KANK1: variants seen among roughly 807,000 people sequenced by gnomAD.
KANK1 encodes the protein KN motif and ankyrin repeat domains 1.
In KANK1, 109 loss-of-function variants were observed where a neutral mutation model predicts 106.2. That is an observed-to-expected ratio of 1.03 (90% CI 0.88 to 1.20). The LOEUF is 1.20. Ranked by LOEUF, KANK1 falls within the 50% of genes most tolerant of loss-of-function variation. KANK1 has a pLI of 0.00. For missense variants in KANK1, 2,399 were observed against 1,710.7 expected (o/e 1.40, Z -7.10); for synonymous variants, 873 against 652.2 (o/e 1.34, Z -5.16).
chr9:514,206 C>T (rs1352461849), intron 1 of KANK1, among the ~76,000 whole-genome samples: 1 of 65,276 alleles, frequency 1.5e-5, no homozygotes, highest in Non-Finnish European at 2.6e-5. Context: ...CTCCCTCCCT[C>T]TCTCCCTCCC....
intron 3 of KANK1, among the ~76,000 whole-genome samples, chr9:720,976 C>T (rs1829160047): frequency 6.6e-6 from 1 of 152,104 alleles, no homozygotes; most frequent in Non-Finnish European, 1.5e-5. Flanking sequence ...TTTCAGTAGT[C>T]AGCTTTTATA....
At chr9:558,910 C>T (rs1440251586) in intron 1 of KANK1, 2 of 151,994 alleles carry the variant, frequency 1.3e-5, no homozygotes, top group Admixed American at 6.6e-5. Context: ...GACACAAATT[C>T]GTGAAGCGTT....
intron 2 of KANK1, among the ~76,000 whole-genome samples, chr9:683,815 A>C (rs1484760794): frequency 6.6e-5 from 10 of 152,298 alleles, no homozygotes; most frequent in Admixed American, 6.5e-4. Flanking sequence ...GTGTTTAATA[A>C]TTGCATTTAA....
chr9:588,079 AG>A (rs147420100), intron 1 of KANK1, among the ~76,000 whole-genome samples: 115,524 of 146,562 alleles, frequency 0.79, 45,788 homozygotes, highest in African/African-American at 0.9. Flanking sequence ...AAAAAAAAAA[AG>A]AAAGAAAGAA....
intron 9 of KANK1, among the ~76,000 whole-genome samples, chr9:741,920 A>G (rs1835687434): frequency 6.6e-6 from 1 of 152,114 alleles, no homozygotes; most frequent in Non-Finnish European, 1.5e-5. Context: ...CTCCAGGCCC[A>G]CAGCTTGACT....
intron 1 of KANK1, among the ~76,000 whole-genome samples, chr9:617,268 C>T (rs562029360): frequency 4.6e-5 from 7 of 152,092 alleles, no homozygotes; most frequent in Admixed American, 2.6e-4. Context: ...CAACTTCACT[C>T]GTTGCCTTCC....
rs10815562 is a variant in KANK1, at chr9:732,302, T to C, written c.3006-76T>C. ...GAAATTTCTGGAGTCAATTAGCAAATCCCTTCATAGAAATTTCTATCACTG... is the reference window on the plus strand; with the variant it reads ...GAAATTTCTGGAGTCAATTAGCAAACCCCTTCATAGAAATTTCTATCACTG... On this transcript the variant is annotated intron_variant, in intron 5 of 11. Transcript: ENST00000382297. 0.35 allele frequency: 529,017 copies of C among 1,511,834 alleles called. 96,970 individuals are homozygous for C. Among genetic ancestry groups the C allele is most frequent in the Non-Finnish European group, 0.38 (427,305 of 1,124,048 alleles). 93.7% of individuals were successfully genotyped at this position (1,511,834 alleles called of 1,614,324 possible).
intron 1 of KANK1, among the ~76,000 whole-genome samples, chr9:540,895 T>A (rs939686419): frequency 6.6e-6 from 1 of 152,210 alleles, no homozygotes; most frequent in African/African-American, 2.4e-5. Context: ...AATTTTGTCT[T>A]TTAGTTCAGC....
chr9:729,645 T>C (rs1831677568), intron 3 of KANK1, among the ~76,000 whole-genome samples: 1 of 152,196 alleles, frequency 6.6e-6, no homozygotes, highest in African/African-American at 2.4e-5. Context: ...GTGGACTACA[T>C]TTCCTGAGCA....
In KANK1 at chr9:734,854, C is replaced by T. The variant is rs28513939; in HGVS notation, c.3333+19C>T. 6.3e-7 allele frequency: 1 copy of T among 1,575,420 alleles called. No homozygotes were observed. Among genetic ancestry groups the T allele is most frequent in the Non-Finnish European group, 8.7e-7 (1 of 1,145,010 alleles). Reference sequence around the variant, plus strand: ...AGATATGGTGAGTCTGACCTGCAAACACCATCCCCAGTGTGTACAAAGTGC... The same window carrying T: ...AGATATGGTGAGTCTGACCTGCAAATACCATCCCCAGTGTGTACAAAGTGC... On this transcript the variant is annotated intron_variant, in intron 7 of 11. Coordinates refer to ENST00000382297, the MANE Select transcript of KANK1 (RefSeq NM_015158.5).
intron 3 of KANK1, chr9:495,689 C>G (rs997679721): frequency 1.3e-5 from 2 of 152,196 alleles, no homozygotes; most frequent in African/African-American, 4.8e-5. Flanking sequence ...CTCTTTTCCT[C>G]CCCGCAATGC....
intron 1 of KANK1, among the ~76,000 whole-genome samples, chr9:639,898 C>T (rs1057173597): frequency 6.6e-6 from 1 of 152,118 alleles, no homozygotes; most frequent in Non-Finnish European, 1.5e-5. Context: ...AACAAGCTTC[C>T]TCAAACCCTT....
intron 3 of KANK1, among the ~76,000 whole-genome samples, chr9:716,810 A>G (rs548046827): frequency 6.6e-6 from 1 of 152,338 alleles, no homozygotes; most frequent in Admixed American, 6.5e-5. Context: ...CCTTGTCTCT[A>G]CAAAAAAATT....
intron 1 of KANK1, among the ~76,000 whole-genome samples, chr9:626,182 G>A (rs561681401): frequency 2.3e-4 from 35 of 152,242 alleles, no homozygotes; most frequent in African/African-American, 7.7e-4. Flanking sequence ...AGCATTGTGC[G>A]TCCGGGTGCA....
chr9:589,234 C>T lies in KANK1; in HGVS notation c.-84+84480C>T, dbSNP rs149719238. Among the ~76,000 whole-genome samples the T allele has an allele frequency of 1.7e-3, 257 of 152,218 alleles. 1 individual carries two copies. Among genetic ancestry groups the T allele is most frequent in the African/African-American group, 5.9e-3 (245 of 41,532 alleles). ...AGCGGGTATTATTAATCTCATCTTA[C>T]AGAGGAGGAAATTGACTTGGAGGAT... On this transcript the variant is annotated intron_variant, in intron 1 of 11. Coordinates refer to ENST00000382297, the MANE Select transcript of KANK1 (RefSeq NM_015158.5).
intron 3 of KANK1, among the ~76,000 whole-genome samples, chr9:721,343 G>C (rs1215217247): frequency 1.3e-5 from 2 of 152,114 alleles, no homozygotes; most frequent in Non-Finnish European, 2.9e-5. Flanking sequence ...TAAATTCTTG[G>C]CTGGGCTCAA....
chr9:655,503 A>G (rs1247423451), intron 1 of KANK1, among the ~76,000 whole-genome samples: 1 of 152,164 alleles, frequency 6.6e-6, no homozygotes, highest in East Asian at 1.9e-4. Flanking sequence ...CTTCCACTTC[A>G]GTGTGCATAC....
At chr9:654,702 A>G (rs912512641) in intron 1 of KANK1, among the ~76,000 whole-genome samples, 2 of 152,116 alleles carry the variant, frequency 1.3e-5, no homozygotes, top group East Asian at 1.9e-4. Flanking sequence ...TCAGGTACCA[A>G]TATATTGTTT....
At chr9:568,628 T>A (rs963195750) in intron 1 of KANK1, among the ~76,000 whole-genome samples, 1 of 152,154 alleles carries the variant, frequency 6.6e-6, no homozygotes, top group African/African-American at 2.4e-5. Context: ...TAGCTAGGAC[T>A]ACAGGTGTGC....
Sources: allele counts gnomAD v4.1 joint callset (sites outside exome capture counted in the v4.1 genomes callset), GRCh38; gene constraint gnomAD v4.1.1; transcripts MANE v1.5; gene names NCBI Gene and HGNC (gene_info 2026-07-23, HGNC 2026-07-21).